ANKS1B: variants seen among roughly 807,000 people sequenced by gnomAD.
ANKS1B encodes ankyrin repeat and sterile alpha motif domain-containing protein 1B.
ANKS1B carries 36 observed loss-of-function variants against 148.3 expected under a neutral mutation model. The observed-to-expected ratio is 0.24, with a 90% CI of 0.19 to 0.32. The LOEUF (loss-of-function observed/expected upper bound fraction) is 0.32. Among genes scored for constraint, ANKS1B ranks in the 10% least tolerant of loss-of-function variants. The pLI is 1.00. For synonymous variants in ANKS1B, 542 were observed against 560.8 expected, an observed-to-expected ratio of 0.97 and a Z score of 0.47; for missense variants, 1,157 against 1,542.6, an observed-to-expected ratio of 0.75 and a Z score of 4.19.
intron 14 of ANKS1B, among the ~76,000 whole-genome samples, chr12:99,173,606 T>C (rs2078040931): frequency 6.6e-6 from 1 of 152,150 alleles, no homozygotes; most frequent in African/African-American, 2.4e-5. Context: ...AATATATTTA[T>C]ACTATAATAT....
intron 12 of ANKS1B, among the ~76,000 whole-genome samples, chr12:99,378,123 C>A (rs543783372): frequency 2.0e-5 from 3 of 152,292 alleles, no homozygotes; most frequent in Non-Finnish European, 4.4e-5. Context: ...TTAAGAACCA[C>A]AAAAGGCTCT....
chr12:98,915,814 T>C (rs1180414583), intron 17 of ANKS1B, among the ~76,000 whole-genome samples: 1 of 152,222 alleles, frequency 6.6e-6, no homozygotes, highest in Non-Finnish European at 1.5e-5. Context: ...GTGAAGTTGA[T>C]TAACTTGCCA....
intron 12 of ANKS1B, among the ~76,000 whole-genome samples, chr12:99,358,980 A>G (rs2092270808): frequency 6.6e-6 from 1 of 152,160 alleles, no homozygotes; most frequent in African/African-American, 2.4e-5. Context: ...GCCACAGAAG[A>G]TGAAATGAAA....
At chr12:99,044,749 TAGG>T (rs1413046444) in intron 17 of ANKS1B, among the ~76,000 whole-genome samples, 3 of 151,782 alleles carry the variant, frequency 2.0e-5, no homozygotes, top group South Asian at 2.1e-4. Context: ...ACAAATAAAA[TAGG>T]AGGAGAAGAG....
At chr12:98,776,104 A>G (rs1257879697) in intron 24 of ANKS1B, among the ~76,000 whole-genome samples, 1 of 152,258 alleles carries the variant, frequency 6.6e-6, no homozygotes, top group Non-Finnish European at 1.5e-5. Flanking sequence ...AAATACTGCC[A>G]TCACTCTGCA....
intron 17 of ANKS1B, among the ~76,000 whole-genome samples, chr12:98,982,343 G>A (rs561001210): frequency 6.6e-6 from 1 of 151,968 alleles, no homozygotes; most frequent in Non-Finnish European, 1.5e-5. Context: ...TTTCTGCTCT[G>A]CAGACTATCT....
chr12:98,864,393 C>T (rs1226762026), intron 17 of ANKS1B, among the ~76,000 whole-genome samples: 1 of 152,172 alleles, frequency 6.6e-6, no homozygotes, highest in African/African-American at 2.4e-5. Context: ...AATGTGTCTA[C>T]TCAGCTAGAT....
At chr12:99,649,391 A>C (rs753629070) in intron 9 of ANKS1B, 4 of 1,610,294 alleles carry the variant, frequency 2.5e-6, no homozygotes, top group Non-Finnish European at 3.4e-6. Flanking sequence ...TATACAATAG[A>C]GATATGAATC....
intron 14 of ANKS1B, among the ~76,000 whole-genome samples, chr12:99,226,499 A>T (rs533584420): frequency 7.2e-5 from 11 of 152,348 alleles, no homozygotes. Context: ...ACAAGAATCA[A>T]TGTGTATATT....
At chr12:99,718,186 C>T (rs1185918643) in intron 8 of ANKS1B, among the ~76,000 whole-genome samples, 2 of 152,118 alleles carry the variant, frequency 1.3e-5, no homozygotes, top group African/African-American at 2.4e-5. Flanking sequence ...AGGCGTGAGC[C>T]ACCGCGCCCA....
intron 9 of ANKS1B, among the ~76,000 whole-genome samples, chr12:99,566,289 C>T (rs2097393117): frequency 6.6e-6 from 1 of 152,160 alleles, no homozygotes; most frequent in African/African-American, 2.4e-5. Context: ...CTTGAAATCT[C>T]CTTAGCACTA....
intron 12 of ANKS1B, among the ~76,000 whole-genome samples, chr12:99,346,392 C>CAA (rs199946684): frequency 2.0e-5 from 3 of 151,926 alleles, no homozygotes; most frequent in African/African-American, 7.2e-5. Flanking sequence ...CACACACACA[C>CAA]ACACACTCTC....
chr12:98,879,890 G>A (rs1224691122), intron 17 of ANKS1B, among the ~76,000 whole-genome samples: 1 of 152,108 alleles, frequency 6.6e-6, no homozygotes, highest in Admixed American at 6.5e-5. Flanking sequence ...ATTTGCTTTT[G>A]AAATGATTAA....
chr12:98,966,522 C>T (rs2099878060), intron 17 of ANKS1B, among the ~76,000 whole-genome samples: 1 of 152,076 alleles, frequency 6.6e-6, no homozygotes, highest in African/African-American at 2.4e-5. Context: ...CTAGAAATAC[C>T]ATTTGACCCA....
At chr12:98,974,711 C>A (rs999311395) in intron 17 of ANKS1B, among the ~76,000 whole-genome samples, 3 of 152,108 alleles carry the variant, frequency 2.0e-5, no homozygotes, top group African/African-American at 7.2e-5. Context: ...GCCTCGTAGA[C>A]AAATCTTAGA....
chr12:98,824,848 C>T (rs2099234728), intron 19 of ANKS1B, among the ~76,000 whole-genome samples: 1 of 152,068 alleles, frequency 6.6e-6, no homozygotes, highest in East Asian at 1.9e-4. Context: ...TGCAGTTTTG[C>T]ATTTAAGGAT....
intron 12 of ANKS1B, among the ~76,000 whole-genome samples, chr12:99,374,829 C>G (rs939276276): frequency 1.3e-5 from 2 of 152,022 alleles, no homozygotes; most frequent in Admixed American, 1.3e-4. Flanking sequence ...AATTTGTTTA[C>G]TTATTTATTT....
intron 11 of ANKS1B, among the ~76,000 whole-genome samples, chr12:99,400,732 T>C (rs1406124811): frequency 6.9e-6 from 1 of 145,242 alleles, no homozygotes; most frequent in African/African-American, 2.6e-5. Flanking sequence ...ATAATAATTA[T>C]AAGAGATCAA....
At chr12:99,741,035 C>T (rs529322795) in intron 8 of ANKS1B, among the ~76,000 whole-genome samples, 2 of 152,122 alleles carry the variant, frequency 1.3e-5, no homozygotes, top group East Asian at 3.9e-4. Context: ...TGGTGAAATG[C>T]CATTTCTACT....
Sources: gnomAD v4.1 joint callset for allele counts (sites outside exome capture counted in the v4.1 genomes callset) on GRCh38, gnomAD v4.1.1 for gene constraint, MANE v1.5 for transcripts, NCBI Gene and HGNC (gene_info 2026-07-23, HGNC 2026-07-21) for gene names.